ASCC3: variants seen among roughly 807,000 people sequenced by gnomAD.
ASCC3 encodes activating signal cointegrator 1 complex subunit 3, also known as ASC-1 complex subunit P200.
In ASCC3, 158 loss-of-function variants were observed where a neutral mutation model predicts 256.3. That is an observed-to-expected ratio of 0.62 (90% CI 0.54 to 0.70). The LOEUF (loss-of-function observed/expected upper bound fraction) is 0.70. ASCC3 is among the 30% of genes least tolerant of loss of function. The pLI is 0.00. For synonymous variants in ASCC3, 948 were observed against 883.4 expected, an observed-to-expected ratio of 1.07 and a Z score of -1.30; for missense variants, 2,259 against 2,626.0, an observed-to-expected ratio of 0.86 and a Z score of 3.05.
rs1448648927 is a variant in ASCC3, at chr6:100,778,723, A to AT, written c.1396-11379dup. Among the ~76,000 whole-genome samples, 3 of 152,266 alleles carry AT rather than the reference A, an allele frequency of 2.0e-5. No homozygotes were observed. The East Asian group carries it at 5.8e-4, about 29-fold the overall frequency. On this transcript the variant is annotated intron_variant, in intron 8 of 41. Transcript: ENST00000369162. ...GGCTACGTGACATACAACAATGCAG[A>AT]TTTTTTAATATTTAAAATCTAATCA...
rs144362003 is a variant in ASCC3, at chr6:100,509,460, C to T, written c.6535G>A (p.Val2179Ile). Reference protein sequence around the residue: ...LDQQYDIYLNVTQASLSAQVN... With the variant: ...LDQQYDIYLNITQASLSAQVN... ...TGTGCAGAAAGACTCGCTTGTGTAA[C>T]GTTGAGATAGATGTCATACTGCTGG... The change falls in exon 42 of 42, where the codon GTT (valine) becomes ATT (isoleucine). Residue 2179 changes from valine to isoleucine, a missense_variant. Val to Ile is a conservative substitution (Grantham distance 29). This residue lies in a region of ASCC3 where 1,839 missense variants were observed against 2,206.7 expected (regional missense o/e 0.83). Coordinates refer to ENST00000369162, the MANE Select transcript of ASCC3 (RefSeq NM_006828.4). 1.9e-5 allele frequency: 31 copies of T among 1,614,006 alleles called. No homozygotes were observed. The highest frequency in any genetic ancestry group is 6.6e-5 in the South Asian group (6 of 91,086).
At chr6:100,654,467 C>T (rs963428675) in intron 17 of ASCC3, among the ~76,000 whole-genome samples, 12 of 151,872 alleles carry the variant, frequency 7.9e-5, no homozygotes, top group African/African-American at 2.2e-4. Context: ...TGGCTTAGTC[C>T]GTAAAAATAA....
chr6:100,853,115 A>G (rs1772765825), intron 3 of ASCC3, among the ~76,000 whole-genome samples: 2 of 152,158 alleles, frequency 1.3e-5, no homozygotes, highest in African/African-American at 2.4e-5. Flanking sequence ...TTCAAACTTA[A>G]AAAACCTTAT....
chr6:100,675,409 C>A (rs1012557943), intron 14 of ASCC3, among the ~76,000 whole-genome samples: 1 of 152,086 alleles, frequency 6.6e-6, no homozygotes, highest in African/African-American at 2.4e-5. Context: ...TCGGAAGAGA[C>A]GATTCTAATC....
At chr6:100,579,182 GTTTGT>G (rs1771052907) in intron 36 of ASCC3, among the ~76,000 whole-genome samples, 1 of 133,266 alleles carries the variant, frequency 7.5e-6, no homozygotes, top group African/African-American at 2.7e-5. Context: ...TAATGGGGTT[GTTTGT>G]TTTTTTTTTT....
At chr6:100,677,631 G>A (rs1190721025) in intron 14 of ASCC3, among the ~76,000 whole-genome samples, 8 of 151,896 alleles carry the variant, frequency 5.3e-5, no homozygotes, top group Admixed American at 1.3e-4. Flanking sequence ...AGTCTCAGAG[G>A]AATAAAAGCT....
intron 8 of ASCC3, among the ~76,000 whole-genome samples, chr6:100,784,343 A>G (rs1320759906): frequency 2.0e-5 from 3 of 152,142 alleles, no homozygotes; most frequent in Non-Finnish European, 4.4e-5. Flanking sequence ...TATCCAATTC[A>G]TATTACAAAT....
chr6:100,868,182 A>G, intron 1 of ASCC3, 144 bp from the exon 2 acceptor site: 1 of 605,282 alleles, frequency 1.7e-6, no homozygotes, highest in Non-Finnish European at 2.9e-6. Flanking sequence ...CTCCTGACAT[A>G]TTTTCTATCC....
intron 4 of ASCC3, among the ~76,000 whole-genome samples, chr6:100,823,809 T>C (rs1374168156): frequency 2.6e-5 from 4 of 152,110 alleles, no homozygotes; most frequent in African/African-American, 9.7e-5. Flanking sequence ...AATAAACAAA[T>C]GCAGCTTTGA....
At chr6:100,804,094 T>G (rs752397910) in intron 5 of ASCC3, among the ~76,000 whole-genome samples, 1 of 152,192 alleles carries the variant, frequency 6.6e-6, no homozygotes, top group Admixed American at 6.6e-5. Flanking sequence ...GGATTTAAAA[T>G]ATGTGTAATA....
chr6:100,580,021 C>A (rs1171217171), intron 36 of ASCC3, among the ~76,000 whole-genome samples: 1 of 152,010 alleles, frequency 6.6e-6, no homozygotes. Context: ...TTTTACAATT[C>A]TCGTTATAGA....
At chr6:100,663,744 G>A (rs946616607) in intron 14 of ASCC3, among the ~76,000 whole-genome samples, 1 of 152,070 alleles carries the variant, frequency 6.6e-6, no homozygotes, top group Non-Finnish European at 1.5e-5. Context: ...ACAGAAATTT[G>A]TGTTAGTTTT....
intron 27 of ASCC3, among the ~76,000 whole-genome samples, chr6:100,628,295 T>A (rs945171590): frequency 2.6e-5 from 4 of 152,108 alleles, no homozygotes; most frequent in African/African-American, 9.7e-5. Context: ...AAGGGTACAA[T>A]GTTTCAGTTG....
intron 11 of ASCC3, among the ~76,000 whole-genome samples, chr6:100,720,177 A>C (rs1320228788): frequency 1.3e-5 from 2 of 152,050 alleles, no homozygotes; most frequent in African/African-American, 4.8e-5. Context: ...CTTCGAAAAT[A>C]TGAAAAGATT....
At chr6:100,639,235 A>G (rs980343556) in intron 24 of ASCC3, among the ~76,000 whole-genome samples, 5 of 152,232 alleles carry the variant, frequency 3.3e-5, no homozygotes, top group Admixed American at 2.0e-4. Flanking sequence ...GACACTGACC[A>G]AGCAAGAGCA....
chr6:100,637,943 A>C (rs896740601), intron 25 of ASCC3, among the ~76,000 whole-genome samples: 1 of 152,198 alleles, frequency 6.6e-6, no homozygotes, highest in African/African-American at 2.4e-5. Flanking sequence ...AAATGACAAA[A>C]AGGATTTAGA....
Position 100,677,460 on chromosome 6 carries a change from C to T in ASCC3, c.2286+2158G>A, listed in dbSNP as rs550004383. 3.4e-4 allele frequency among the ~76,000 whole-genome samples: 52 copies of T among 152,172 alleles called. No homozygotes were observed. In the South Asian group the frequency reaches 0.01, roughly 30 times the overall value. ...GGTGGACTTTGGAGTCAGACTGGCTCAAATCATGGCCTCACTACTTAATAT... is the reference window on the plus strand; with the variant it reads ...GGTGGACTTTGGAGTCAGACTGGCTTAAATCATGGCCTCACTACTTAATAT... On this transcript the variant is annotated intron_variant, in intron 14 of 41. Coordinates refer to ENST00000369162, the MANE Select transcript of ASCC3 (RefSeq NM_006828.4).
At chr6:100,598,305 T>C (rs1050367929) in intron 34 of ASCC3, among the ~76,000 whole-genome samples, 1 of 152,126 alleles carries the variant, frequency 6.6e-6, no homozygotes, top group African/African-American at 2.4e-5. Context: ...CAATTTACCC[T>C]TCTGACTTTC....
intron 13 of ASCC3, among the ~76,000 whole-genome samples, chr6:100,695,533 T>A (rs574037739): frequency 1.3e-5 from 2 of 152,238 alleles, no homozygotes; most frequent in South Asian, 4.2e-4. Flanking sequence ...AATGTCTTCA[T>A]TTCCCCAGAG....
Sources: allele counts gnomAD v4.1 joint callset (sites outside exome capture counted in the v4.1 genomes callset), GRCh38; gene constraint gnomAD v4.1.1; regional missense constraint gnomAD v4.1.1; transcripts MANE v1.5; gene names NCBI Gene and HGNC (gene_info 2026-07-23, HGNC 2026-07-21).